The following LMBR1 variants were observed in gnomAD, a reference collection of about 807,000 sequenced individuals.
LMBR1 encodes the protein limb development membrane protein 1.
In LMBR1, 52 loss-of-function variants were observed where a neutral mutation model predicts 73.9. The observed-to-expected ratio is 0.70, with a 90% CI of 0.56 to 0.89. The LOEUF is 0.89. Ranked by LOEUF, LMBR1 falls within the 40% of genes least tolerant of loss-of-function variation. The pLI, the probability that LMBR1 is intolerant of heterozygous loss-of-function variation, is 0.00. For synonymous variants in LMBR1, 215 were observed against 209.4 expected (o/e 1.03, Z -0.23); for missense variants, 539 against 579.8 (o/e 0.93, Z 0.72).
At chr7:156,738,007 A>C (rs1242145432) in intron 9 of LMBR1, among the ~76,000 whole-genome samples, 1 of 152,206 alleles carries the variant, frequency 6.6e-6, no homozygotes, top group Non-Finnish European at 1.5e-5. Context: ...CACTGTCATG[A>C]GAACTAAAAA....
intron 15 of LMBR1, among the ~76,000 whole-genome samples, chr7:156,689,335 T>C (rs1806669760): frequency 6.6e-6 from 1 of 152,176 alleles, no homozygotes; most frequent in Non-Finnish European, 1.5e-5. Context: ...GTCTATAAAA[T>C]TGTATAAATA....
intron 5 of LMBR1, among the ~76,000 whole-genome samples, chr7:156,793,136 G>A (rs1248564972): frequency 3.3e-5 from 5 of 152,074 alleles, no homozygotes; most frequent in African/African-American, 1.2e-4. Context: ...TAATGACTGT[G>A]ATCAATCATA....
At chr7:156,687,030 A>G (rs1475102498) in intron 16 of LMBR1, among the ~76,000 whole-genome samples, 5 of 152,372 alleles carry the variant, frequency 3.3e-5, no homozygotes, top group Admixed American at 2.0e-4. Context: ...AAAGTAAAAT[A>G]CATATGGACA....
intron 1 of LMBR1, among the ~76,000 whole-genome samples, chr7:156,864,749 C>T (rs916051854): frequency 2.0e-5 from 3 of 151,910 alleles, no homozygotes; most frequent in Admixed American, 1.3e-4. Context: ...GTAATCTCAG[C>T]ACTTTGGGAG....
chr7:156,759,174 C>T (rs1397814028), intron 8 of LMBR1, among the ~76,000 whole-genome samples: 3 of 152,132 alleles, frequency 2.0e-5, no homozygotes, highest in African/African-American at 7.2e-5. Flanking sequence ...AAAATTATTC[C>T]CAGATGGGGA....
intron 1 of LMBR1, among the ~76,000 whole-genome samples, chr7:156,892,066 G>C (rs930894843): frequency 6.6e-6 from 1 of 152,144 alleles, no homozygotes; most frequent in African/African-American, 2.4e-5. Context: ...ATACATTCTA[G>C]AGCATCATGA....
At chr7:156,741,398 C>T (rs1161666999) in intron 9 of LMBR1, among the ~76,000 whole-genome samples, 1 of 151,916 alleles carries the variant, frequency 6.6e-6, no homozygotes, top group Non-Finnish European at 1.5e-5. Flanking sequence ...TATCTGTTGC[C>T]TAAAAGAAAT....
At chr7:156,684,255 T>C in intron 16 of LMBR1, 92 bp from the exon 17 acceptor site, 1 of 994,760 alleles carries the variant, frequency 1.0e-6, no homozygotes, top group Non-Finnish European at 1.6e-6. Flanking sequence ...TTTACAAAGC[T>C]AAGTGTTATT....
chr7:156,708,146 A>T (rs1284467463), intron 15 of LMBR1, among the ~76,000 whole-genome samples: 1 of 152,186 alleles, frequency 6.6e-6, no homozygotes, highest in Non-Finnish European at 1.5e-5. Flanking sequence ...AGGCAGGACT[A>T]ATGTGCAGTT....
intron 4 of LMBR1, among the ~76,000 whole-genome samples, chr7:156,798,559 G>A (rs1830422127): frequency 6.6e-6 from 1 of 152,078 alleles, no homozygotes; most frequent in African/African-American, 2.4e-5. Flanking sequence ...TACCTTCCAG[G>A]TCCAATTCAT....
chr7:156,892,435 G>T (rs1047447185), intron 1 of LMBR1: 1 of 152,226 alleles, frequency 6.6e-6, no homozygotes, highest in African/African-American at 2.4e-5. Flanking sequence ...GGCCCACCCA[G>T]GCTCTCCGGG....
intron 11 of LMBR1, 70 bp from the exon 12 acceptor site, chr7:156,728,077 A>G (rs944355523): frequency 1.7e-6 from 2 of 1,191,794 alleles, no homozygotes; most frequent in African/African-American, 3.0e-5. Flanking sequence ...AATCTAGGTA[A>G]CCAAATACAC....
At position 156,684,067 on chromosome 7, in the gene LMBR1, G is replaced by A. The variant is rs375283454; in HGVS notation, c.*11C>T. 3.2e-4 allele frequency: 521 copies of A among 1,603,384 alleles called. No individual in the cohort carries two copies. Among genetic ancestry groups the A allele is most frequent in the Non-Finnish European group, 4.2e-4 (489 of 1,170,414 alleles). The stretch of plus-strand genomic sequence containing the variant: ...GGGTCTCTTGGTGGCAGAAGACGCC[G>A]TCTGTGCGTCTCACAGTGCTTTCTG... On this transcript the variant is annotated 3_prime_UTR_variant, in exon 17 of 17. Coordinates refer to ENST00000353442, the MANE Select transcript of LMBR1 (RefSeq NM_022458.4).
intron 1 of LMBR1, among the ~76,000 whole-genome samples, chr7:156,891,667 A>T (rs1803021468): frequency 6.6e-6 from 1 of 152,120 alleles, no homozygotes; most frequent in Non-Finnish European, 1.5e-5. Flanking sequence ...GCCCAGGCTG[A>T]CCAGTCTCAA....
At chr7:156,887,745 C>T (rs377220761) in intron 1 of LMBR1, among the ~76,000 whole-genome samples, 9 of 152,166 alleles carry the variant, frequency 5.9e-5, no homozygotes, top group Non-Finnish European at 1.2e-4. Context: ...ACAGAATGGG[C>T]GAGAAGTGTT....
At chr7:156,835,714 C>A (rs964568658) in intron 2 of LMBR1, among the ~76,000 whole-genome samples, 22 of 138,566 alleles carry the variant, frequency 1.6e-4, no homozygotes, top group African/African-American at 4.8e-4. Flanking sequence ...AAAAAAAAAA[C>A]ATCAAGTCTT....
chr7:156,831,154 G>A (rs551957227), intron 3 of LMBR1, among the ~76,000 whole-genome samples: 49 of 152,162 alleles, frequency 3.2e-4, no homozygotes, highest in African/African-American at 1.1e-3. Flanking sequence ...TAAATAAGGT[G>A]AGAGTTAATT....
intron 9 of LMBR1, among the ~76,000 whole-genome samples, chr7:156,749,114 T>C (rs1439971552): frequency 6.6e-6 from 1 of 152,214 alleles, no homozygotes; most frequent in East Asian, 1.9e-4. Flanking sequence ...TTTCTCAAAG[T>C]GGCCCAGAGT....
At chr7:156,750,294 G>T (rs909599275) in intron 9 of LMBR1, among the ~76,000 whole-genome samples, 4 of 142,296 alleles carry the variant, frequency 2.8e-5, no homozygotes, top group Non-Finnish European at 6.0e-5. Context: ...GTGTGTGTGT[G>T]TACGTGTGTG....
Sources: allele counts gnomAD v4.1 joint callset (sites outside exome capture counted in the v4.1 genomes callset), GRCh38; gene constraint gnomAD v4.1.1; transcripts MANE v1.5; gene names NCBI Gene and HGNC (gene_info 2026-07-23, HGNC 2026-07-21).